Variants in PCSK6 observed in about 807,000 individuals in gnomAD.
PCSK6 encodes proprotein convertase subtilisin/kexin type 6, also known as paired basic amino acid cleaving enzyme 4.
A neutral mutation model predicts 123.3 loss-of-function variants in PCSK6; 85 were observed. That is an observed-to-expected ratio of 0.69 (90% CI 0.58 to 0.83). The LOEUF (loss-of-function observed/expected upper bound fraction) is 0.83, where lower values mean the gene tolerates loss of function less well. Among genes scored for constraint, PCSK6 ranks in the 40% least tolerant of loss-of-function variants. The pLI, the probability that PCSK6 is intolerant of heterozygous loss-of-function variation, is 0.00. For synonymous variants in PCSK6, 508 were observed against 516.0 expected, an observed-to-expected ratio of 0.98 and a Z score of 0.21; for missense variants, 1,191 against 1,282.3, an observed-to-expected ratio of 0.93 and a Z score of 1.09.
At chr15:101,400,486 A>T (rs1341729325) in intron 6 of PCSK6, among the ~76,000 whole-genome samples, 3 of 152,236 alleles carry the variant, frequency 2.0e-5, no homozygotes, top group Non-Finnish European at 4.4e-5. Flanking sequence ...CAGCAACTTT[A>T]AATATGACTG....
In PCSK6 at chr15:101,429,909, G is replaced by C. The variant is rs898382103; in HGVS notation, c.734+78C>G. On this transcript the variant is annotated intron_variant, in intron 5 of 21. Coordinates refer to ENST00000611716, the MANE Select transcript of PCSK6 (RefSeq NM_002570.5). ...TACGCCGGCAGCCACCGCCTCTCCAGCTCCCTCGCACACACATTCAATAGT... is the reference window on the plus strand; with the variant it reads ...TACGCCGGCAGCCACCGCCTCTCCACCTCCCTCGCACACACATTCAATAGT... The C allele has an allele frequency of 2.2e-5, 28 of 1,274,352 alleles. No homozygotes were observed. The African/African-American group carries it at 3.9e-4, about 18-fold the overall frequency. The allele number at this position is 1,274,352 out of a possible 1,614,324, so 78.9% of individuals were successfully genotyped here. A position where few individuals can be genotyped will look rare whatever the true frequency, so the allele number is the denominator to read the frequency against.
At chr15:101,357,392 C>A (rs73493398) in intron 13 of PCSK6, among the ~76,000 whole-genome samples, 3,625 of 152,322 alleles carry the variant, frequency 0.024, 97 homozygotes, top group African/African-American at 0.063. Flanking sequence ...GCTGACCAGA[C>A]CTGCATTTTC....
intron 12 of PCSK6, 101 bp from the exon 13 acceptor site, chr15:101,366,433 G>T: frequency 8.0e-7 from 1 of 1,257,112 alleles, no homozygotes; most frequent in Non-Finnish European, 1.1e-6. Context: ...GTATGACCTG[G>T]CTGGACCGTA....
chr15:101,479,750 C>T (rs150424471), intron 1 of PCSK6, among the ~76,000 whole-genome samples: 188 of 152,286 alleles, frequency 1.2e-3, no homozygotes, highest in African/African-American at 3.4e-3. Flanking sequence ...GGCCCTTATC[C>T]AACACGAGGC....
At chr15:101,452,936 G>A (rs943607654) in intron 1 of PCSK6, among the ~76,000 whole-genome samples, 1 of 152,204 alleles carries the variant, frequency 6.6e-6, no homozygotes, top group Non-Finnish European at 1.5e-5. Context: ...TCTGCGCTGG[G>A]TCAGTTGAGC....
chr15:101,473,129 C>T (rs2057646588), intron 1 of PCSK6, among the ~76,000 whole-genome samples: 1 of 152,226 alleles, frequency 6.6e-6, no homozygotes, highest in Non-Finnish European at 1.5e-5. Context: ...GGCTGGAGTG[C>T]AGTGGCATGA....
intron 1 of PCSK6, among the ~76,000 whole-genome samples, chr15:101,481,588 T>C (rs963067536): frequency 3.3e-5 from 5 of 151,846 alleles, no homozygotes; most frequent in Admixed American, 6.6e-5. Flanking sequence ...GGCCACAGCC[T>C]GTGCTGGGCG....
chr15:101,452,311 A>G (rs1178164919), intron 1 of PCSK6, among the ~76,000 whole-genome samples: 1 of 152,220 alleles, frequency 6.6e-6, no homozygotes, highest in Admixed American at 6.5e-5. Context: ...AAGGTCTACA[A>G]AAAGCTACCT....
chr15:101,349,062 G>A (rs2040823533), intron 13 of PCSK6, among the ~76,000 whole-genome samples: 1 of 152,224 alleles, frequency 6.6e-6, no homozygotes, highest in Non-Finnish European at 1.5e-5. Context: ...TCAACTTTCA[G>A]GTTTCTGGGA....
chr15:101,342,154 G>A (rs868490423), intron 13 of PCSK6, among the ~76,000 whole-genome samples: 3,192 of 75,312 alleles, frequency 0.042, 95 homozygotes, highest in African/African-American at 0.12. Flanking sequence ...AAAAAAAAAA[G>A]AAGATTGCTT....
At chr15:101,379,320 C>T (rs1159304695) in intron 11 of PCSK6, among the ~76,000 whole-genome samples, 1 of 152,198 alleles carries the variant, frequency 6.6e-6, no homozygotes, top group East Asian at 1.9e-4. Context: ...GCCCCTCTCC[C>T]TCAGGACCAT....
At chr15:101,316,061 G>A (rs1312272205) in intron 19 of PCSK6, among the ~76,000 whole-genome samples, 1 of 152,212 alleles carries the variant, frequency 6.6e-6, no homozygotes, top group Non-Finnish European at 1.5e-5. Context: ...GTCACTGAAT[G>A]GGAACAGGGA....
chr15:101,366,789 A>G (rs1046285154), intron 12 of PCSK6, among the ~76,000 whole-genome samples: 1 of 152,226 alleles, frequency 6.6e-6, no homozygotes, highest in South Asian at 2.1e-4. Context: ...CGAAGCCCAG[A>G]GAGTGCTCAC....
chr15:101,317,242 CAG>C (rs773828305), intron 19 of PCSK6, among the ~76,000 whole-genome samples: 3 of 151,960 alleles, frequency 2.0e-5, no homozygotes, highest in Non-Finnish European at 4.4e-5. Context: ...AGTATTACTG[CAG>C]AAAAAGCTCA....
At chr15:101,465,743 G>A (rs944774250) in intron 1 of PCSK6, among the ~76,000 whole-genome samples, 1 of 152,164 alleles carries the variant, frequency 6.6e-6, no homozygotes, top group African/African-American at 2.4e-5. Flanking sequence ...ATGCCGCACG[G>A]TATTACTTCA....
intron 6 of PCSK6, among the ~76,000 whole-genome samples, chr15:101,417,729 G>C (rs988187238): frequency 1.3e-5 from 2 of 151,808 alleles, no homozygotes; most frequent in Non-Finnish European, 2.9e-5. Flanking sequence ...TTAGAACACA[G>C]CAACAACAAA....
At chr15:101,323,294 G>A (rs1236306953) in intron 17 of PCSK6, among the ~76,000 whole-genome samples, 1 of 152,216 alleles carries the variant, frequency 6.6e-6, no homozygotes, top group East Asian at 1.9e-4. Context: ...ATGTCGGGGT[G>A]AAGAAGGGCG....
chr15:101,356,365 A>G (rs189899513), intron 13 of PCSK6, among the ~76,000 whole-genome samples: 1 of 152,248 alleles, frequency 6.6e-6, no homozygotes, highest in Non-Finnish European at 1.5e-5. Context: ...GTAGAGTTCA[A>G]TAAAGGTGTG....
intron 13 of PCSK6, among the ~76,000 whole-genome samples, chr15:101,361,680 C>T (rs2041226660): frequency 6.6e-6 from 1 of 152,114 alleles, no homozygotes; most frequent in Non-Finnish European, 1.5e-5. Flanking sequence ...TTGGGTTTTG[C>T]TCTAAGAGCT....
Sources: allele counts gnomAD v4.1 joint callset (sites outside exome capture counted in the v4.1 genomes callset), GRCh38; gene constraint gnomAD v4.1.1; transcripts MANE v1.5; gene names NCBI Gene and HGNC (gene_info 2026-07-23, HGNC 2026-07-21).